ZMYND11: variants seen among roughly 807,000 people sequenced by gnomAD.
ZMYND11 encodes the protein zinc finger MYND-type containing 11.
In ZMYND11, 9 loss-of-function variants were observed where a neutral mutation model predicts 84.9. The observed-to-expected ratio is 0.11, with a 90% CI of 0.06 to 0.18. The LOEUF is 0.18. ZMYND11 is among the 10% of genes least tolerant of loss of function. The probability of loss-of-function intolerance (pLI) is 1.00; values close to 1 mark genes in which losing one functional copy is unlikely to be tolerated. For synonymous variants in ZMYND11, 250 were observed against 244.1 expected (o/e 1.02, Z -0.23); for missense variants, 409 against 761.0 (o/e 0.54, Z 5.44).
At position 237,802 on chromosome 10, in the gene ZMYND11, T is replaced by A. The variant is rs927227517; in HGVS notation, c.609+125T>A. ...CCTTGAAAGTGTACTTTTTTCCACT[T>A]CCTAAAACAAAAGACAGGCATAACT... On this transcript the variant is annotated intron_variant, in intron 6 of 14. Coordinates refer to ENST00000381604, the MANE Select transcript of ZMYND11 (RefSeq NM_001370100.5). 76 of 620,108 alleles carry A rather than the reference T, an allele frequency of 1.2e-4. No homozygotes were observed. The East Asian group carries it at 2.1e-3, about 17-fold the overall frequency. 38.4% of individuals were successfully genotyped at this position (620,108 alleles called of 1,614,324 possible). A position where few individuals can be genotyped will look rare whatever the true frequency, so the allele number is the denominator to read the frequency against.
chr10:169,236 C>G (rs550116494), intron 1 of ZMYND11, among the ~76,000 whole-genome samples: 17 of 152,180 alleles, frequency 1.1e-4, no homozygotes, highest in African/African-American at 4.1e-4. Context: ...ACTGTACAGC[C>G]CTGGTGAAGT....
intron 2 of ZMYND11, among the ~76,000 whole-genome samples, chr10:182,095 A>G (rs1267274423): frequency 6.6e-6 from 1 of 152,210 alleles, no homozygotes; most frequent in Admixed American, 6.5e-5. Flanking sequence ...GTTCATCTGT[A>G]GCATGTTTCT....
intron 2 of ZMYND11, among the ~76,000 whole-genome samples, chr10:193,824 CAT>C (rs1941062498): frequency 6.6e-6 from 1 of 152,168 alleles, no homozygotes; most frequent in South Asian, 2.1e-4. Flanking sequence ...TGAATGGAAA[CAT>C]ATTATTTTCC....
intron 1 of ZMYND11, among the ~76,000 whole-genome samples, chr10:168,355 A>G (rs1370663089): frequency 6.6e-6 from 1 of 152,062 alleles, no homozygotes; most frequent in Admixed American, 6.6e-5. Context: ...TGGTATGTGT[A>G]CCTGTGGTCC....
intron 2 of ZMYND11, among the ~76,000 whole-genome samples, chr10:194,949 C>A (rs1331894921): frequency 6.6e-6 from 1 of 152,160 alleles, no homozygotes; most frequent in Non-Finnish European, 1.5e-5. Context: ...AAGCCCATTG[C>A]AGACCAAATT....
chr10:247,487 T>C (rs780309398), intron 12 of ZMYND11, 21 bp downstream of exon 12: 10 of 1,611,254 alleles, frequency 6.2e-6, no homozygotes, highest in Admixed American at 5.0e-5. Flanking sequence ...CACCTCGCAG[T>C]ATCCAGGTGG....
chr10:136,269 T>C (rs1174641142), intron 1 of ZMYND11, among the ~76,000 whole-genome samples: 1 of 152,130 alleles, frequency 6.6e-6, no homozygotes, highest in Admixed American at 6.5e-5. Context: ...GACTTTCACT[T>C]GCAGTCTCTC....
At chr10:209,282 T>C (rs2379080) in intron 2 of ZMYND11, among the ~76,000 whole-genome samples, 36,586 of 152,046 alleles carry the variant, frequency 0.24, 4,747 homozygotes, top group South Asian at 0.34. Context: ...AAAAATACCT[T>C]GTAACGGTAA....
chr10:208,253 T>C (rs1323271023), intron 2 of ZMYND11, among the ~76,000 whole-genome samples: 5 of 152,170 alleles, frequency 3.3e-5, no homozygotes, highest in African/African-American at 1.2e-4. Context: ...ACTTCGTGTC[T>C]AAAACACCAA....
chr10:156,511 T>C (rs1461889571), intron 1 of ZMYND11, among the ~76,000 whole-genome samples: 2 of 152,260 alleles, frequency 1.3e-5, no homozygotes, highest in Admixed American at 6.5e-5. Flanking sequence ...CTCAAACTCA[T>C]GGATGGTAGA....
At chr10:192,544 C>T (rs1243815975) in intron 2 of ZMYND11, among the ~76,000 whole-genome samples, 8 of 152,248 alleles carry the variant, frequency 5.3e-5, no homozygotes, top group Non-Finnish European at 1.0e-4. Context: ...TTCAGTACCA[C>T]AGATGACACT....
intron 10 of ZMYND11, 71 bp downstream of exon 10, chr10:242,210 TC>T: frequency 6.4e-7 from 1 of 1,560,794 alleles, no homozygotes; most frequent in Non-Finnish European, 8.7e-7. Flanking sequence ...TGATGATTTC[TC>T]CATCAGAGAT....
Position 252,242 on chromosome 10 carries a change from G to T in ZMYND11, c.1687-106G>T. 1.5e-6 allele frequency: 2 copies of T among 1,365,444 alleles called. No homozygotes were observed. Among genetic ancestry groups the T allele is most frequent in the African/African-American group, 1.5e-5 (1 of 68,460 alleles). The allele number at this position is 1,365,444 out of a possible 1,614,324, so 84.6% of individuals were successfully genotyped here. A position where few individuals can be genotyped will look rare whatever the true frequency, so the allele number is the denominator to read the frequency against. On this transcript the variant is annotated intron_variant, in intron 14 of 14. Transcript: ENST00000381604. The surrounding 1 kb of genome is among the most constrained non-coding windows in gnomAD (Gnocchi z 4.6). The stretch of plus-strand genomic sequence containing the variant: ...GTATTCAGATTCCACAAAAGGTTGA[G>T]CCAGAAAGATCTTTTAAAAGCACCA...
chr10:173,127 C>T (rs1278610086), intron 1 of ZMYND11, among the ~76,000 whole-genome samples: 2 of 151,408 alleles, frequency 1.3e-5, no homozygotes, highest in Admixed American at 1.3e-4. Context: ...ATGTAAAATA[C>T]AAAACTGTAA....
intron 2 of ZMYND11, among the ~76,000 whole-genome samples, chr10:196,179 T>A (rs1941691232): frequency 6.6e-6 from 1 of 152,232 alleles, no homozygotes; most frequent in Non-Finnish European, 1.5e-5. Flanking sequence ...AAGACTTTTC[T>A]GTGCCAGATT....
At chr10:174,162 GT>G (rs1272747766) in intron 1 of ZMYND11, among the ~76,000 whole-genome samples, 4 of 152,196 alleles carry the variant, frequency 2.6e-5, no homozygotes, top group African/African-American at 9.7e-5. Flanking sequence ...CTTTCCTCGA[GT>G]AGGTGAATGG....
At chr10:200,358 GTATA>G (rs1246995089) in intron 2 of ZMYND11, among the ~76,000 whole-genome samples, 2 of 141,556 alleles carry the variant, frequency 1.4e-5, no homozygotes, top group Non-Finnish European at 3.0e-5. Flanking sequence ...ACATATATGT[GTATA>G]TATGTGTATA....
At chr10:215,584 G>T (rs1946076136) in intron 3 of ZMYND11, among the ~76,000 whole-genome samples, 2 of 151,194 alleles carry the variant, frequency 1.3e-5, no homozygotes, top group South Asian at 2.1e-4. Context: ...TTGAGACAGG[G>T]TCTCCCTTTG....
chr10:213,355 TTA>T (rs1037623743), intron 3 of ZMYND11, among the ~76,000 whole-genome samples: 30 of 152,190 alleles, frequency 2.0e-4, no homozygotes, highest in Non-Finnish European at 4.0e-4. Context: ...GGCCCATGCT[TTA>T]TAGTTTTACC....
Sources: allele counts gnomAD v4.1 joint callset (sites outside exome capture counted in the v4.1 genomes callset), GRCh38; gene constraint gnomAD v4.1.1; non-coding constraint Gnocchi (gnomAD v3.1); transcripts MANE v1.5; gene names NCBI Gene and HGNC (gene_info 2026-07-23, HGNC 2026-07-21).